Variants in FARS2 observed in about 807,000 individuals in gnomAD.
FARS2 encodes phenylalanyl-tRNA synthetase 2, mitochondrial, also known as phenylalanine--tRNA ligase, mitochondrial.
A neutral mutation model predicts 46.4 loss-of-function variants in FARS2; 40 were observed. That is an observed-to-expected ratio of 0.86 (90% confidence interval 0.67 to 1.12). FARS2 has a LOEUF of 1.12. FARS2 is among the 50% of genes most tolerant of loss of function. FARS2 has a pLI of 0.00. For synonymous variants in FARS2, 234 were observed against 214.9 expected, an observed-to-expected ratio of 1.09 and a Z score of -0.78; for missense variants, 513 against 567.9, an observed-to-expected ratio of 0.90 and a Z score of 0.98.
At chr6:5,449,856 T>G (rs1764386545) in intron 4 of FARS2, among the ~76,000 whole-genome samples, 1 of 152,218 alleles carries the variant, frequency 6.6e-6, no homozygotes, top group African/African-American at 2.4e-5. Flanking sequence ...GTTTTTCAGA[T>G]TTGAGATACT....
chr6:5,739,443 C>A (rs1561831532), intron 6 of FARS2, among the ~76,000 whole-genome samples: 1 of 152,022 alleles, frequency 6.6e-6, no homozygotes. Context: ...CCAGTTATTC[C>A]TGGGAAGCAA....
intron 1 of FARS2, among the ~76,000 whole-genome samples, chr6:5,341,216 TATATATA>T (rs1771577044): frequency 4.3e-4 from 3 of 6,942 alleles, no homozygotes; most frequent in African/African-American, 1.5e-3. Flanking sequence ...TATATATATA[TATATATA>T]TATATATATA....
At position 5,404,578 on chromosome 6, in the gene FARS2, C is replaced by G. The variant is rs756084801; in HGVS notation, c.649C>G (p.Leu217Val). 4 of 1,608,060 alleles carry G rather than the reference C, an allele frequency of 2.5e-6. No individual in the cohort carries two copies. The Admixed American group carries it at 6.7e-5, about 27-fold the overall frequency. Residue 217 changes from leucine to valine, a missense_variant, in exon 3 of 7, where the codon CTC becomes GTC. Transcript: ENST00000274680. ...AGIKDGESLQ[L>V]FEQSSRSAHK... ...TATAAAGGATGGAGAAAGCCTGCAGCTCTTTGAACAAAGTTCTCGCTCTGC... is the reference window on the plus strand; with the variant it reads ...TATAAAGGATGGAGAAAGCCTGCAGGTCTTTGAACAAAGTTCTCGCTCTGC...
At chr6:5,577,866 A>G (rs1219443170) in intron 5 of FARS2, among the ~76,000 whole-genome samples, 1 of 151,980 alleles carries the variant, frequency 6.6e-6, no homozygotes, top group Non-Finnish European at 1.5e-5. Flanking sequence ...CAGTGGTGCG[A>G]TCTCAGCACA....
At chr6:5,291,782 T>C (rs138454372) in intron 1 of FARS2, among the ~76,000 whole-genome samples, 5 of 152,148 alleles carry the variant, frequency 3.3e-5, no homozygotes, top group Middle Eastern at 3.4e-3. Flanking sequence ...AAGAATTAAA[T>C]ATTGAATATA....
In FARS2 at chr6:5,717,935, T is replaced by TAGAGAGAGAGAGAGAGAGAGAG. The variant is rs546191530; in HGVS notation, c.1218-53355_1218-53354insGAGAGAGAGAGAGAGAGAGAGA. Reference sequence around the variant, plus strand: ...ATATATATATATATATATATATATATACAGAGTCTCACTCTGTCGCCCAGG... The same window carrying TAGAGAGAGAGAGAGAGAGAGAG: ...ATATATATATATATATATATATATATAGAGAGAGAGAGAGAGAGAGAGACAGAGTCTCACTCTGTCGCCCAGG... On this transcript the variant is annotated intron_variant, in intron 6 of 6. Transcript: ENST00000274680. Among the ~76,000 whole-genome samples the TAGAGAGAGAGAGAGAGAGAGAG allele has an allele frequency of 1.3e-3, 177 of 135,642 alleles. 5 individuals are homozygous for TAGAGAGAGAGAGAGAGAGAGAG. Among genetic ancestry groups the TAGAGAGAGAGAGAGAGAGAGAG allele is most frequent in the African/African-American group, 5.0e-3 (163 of 32,586 alleles). The allele number at this position is 135,642 out of a possible 152,430, so 89.0% of individuals were successfully genotyped here. A position where few individuals can be genotyped will look rare whatever the true frequency, so the allele number is the denominator to read the frequency against.
rs1287785031 is a variant in FARS2 at position 5,311,122 on chromosome 6, A to G, written c.-22+49462A>G. ...CAATGAGGCACTGGTTAAATAAATC[A>G]TGGTGCATCCAGGTGATGATATGGT... On this transcript the variant is annotated intron_variant, in intron 1 of 6. Coordinates refer to ENST00000274680, the MANE Select transcript of FARS2 (RefSeq NM_006567.5). The surrounding 1 kb of genome is among the most constrained non-coding windows in gnomAD (Gnocchi z 4.1). 2.6e-5 allele frequency among the ~76,000 whole-genome samples: 4 copies of G among 152,226 alleles called. No individual in the cohort carries two copies. Among genetic ancestry groups the G allele is most frequent in the Non-Finnish European group, 5.9e-5 (4 of 68,036 alleles).
At chr6:5,513,945 A>C (rs1398070489) in intron 4 of FARS2, among the ~76,000 whole-genome samples, 4 of 152,022 alleles carry the variant, frequency 2.6e-5, no homozygotes, top group Non-Finnish European at 5.9e-5. Flanking sequence ...TTTAACAACT[A>C]TTGATCCAGC....
chr6:5,512,146 C>T (rs538907871), intron 4 of FARS2, among the ~76,000 whole-genome samples: 1 of 152,228 alleles, frequency 6.6e-6, no homozygotes, highest in East Asian at 1.9e-4. Flanking sequence ...TTCCAAGAGT[C>T]AGAAACCCAA....
intron 6 of FARS2, among the ~76,000 whole-genome samples, chr6:5,640,395 C>T (rs150987214): frequency 1.3e-5 from 2 of 152,184 alleles, no homozygotes; most frequent in African/African-American, 4.8e-5. Flanking sequence ...ACGGCAAACA[C>T]GGAAGCTAAA....
chr6:5,345,372 C>G (rs1376796535), intron 1 of FARS2, among the ~76,000 whole-genome samples: 2 of 152,114 alleles, frequency 1.3e-5, no homozygotes, highest in Non-Finnish European at 2.9e-5. Context: ...TGAAAAATCT[C>G]AGAAAGACCC....
chr6:5,387,763 T>C (rs1014971755), intron 2 of FARS2, among the ~76,000 whole-genome samples: 2 of 152,220 alleles, frequency 1.3e-5, no homozygotes, highest in African/African-American at 2.4e-5. Context: ...TCTTTCATGT[T>C]GGTTACAAAT....
At chr6:5,251,598 G>C in the FARS2 span, among the ~76,000 whole-genome samples, 2 of 152,132 alleles carry the variant, frequency 1.3e-5, no homozygotes, top group Non-Finnish European at 2.9e-5. Flanking sequence ...TTATTGTGAG[G>C]ACAGTACCAA....
intron 6 of FARS2, among the ~76,000 whole-genome samples, chr6:5,712,735 T>C (rs1759257119): frequency 6.6e-6 from 1 of 152,208 alleles, no homozygotes; most frequent in African/African-American, 2.4e-5. Flanking sequence ...CCTGTCCCAG[T>C]CCTTGCCGTC....
intron 5 of FARS2, among the ~76,000 whole-genome samples, chr6:5,596,165 A>G (rs1486560224): frequency 6.6e-6 from 1 of 152,190 alleles, no homozygotes; most frequent in Non-Finnish European, 1.5e-5. Context: ...CGCCACCGTT[A>G]TACATTCAGC....
chr6:5,520,948 A>G (rs537400139), intron 4 of FARS2, among the ~76,000 whole-genome samples: 2 of 152,276 alleles, frequency 1.3e-5, no homozygotes, highest in African/African-American at 4.8e-5. Flanking sequence ...CCCCAAAAGA[A>G]TCAGGGTAGG....
intron 2 of FARS2, among the ~76,000 whole-genome samples, chr6:5,384,019 A>G (rs1156747083): frequency 6.6e-6 from 1 of 152,178 alleles, no homozygotes; most frequent in African/African-American, 2.4e-5. Flanking sequence ...TTTAAAGTTG[A>G]CAGCAGAATG....
chr6:5,496,297 C>A (rs1159114825), intron 4 of FARS2, among the ~76,000 whole-genome samples: 1 of 152,090 alleles, frequency 6.6e-6, no homozygotes, highest in Non-Finnish European at 1.5e-5. Flanking sequence ...AGTGTTGATA[C>A]TATAGGAATC....
intron 4 of FARS2, chr6:5,458,009 A>G (rs928384939): frequency 6.6e-6 from 1 of 152,222 alleles, no homozygotes; most frequent in African/African-American, 2.4e-5. Flanking sequence ...GAGATGAGAC[A>G]TTGGATCGCT....
Sources: gnomAD v4.1 joint callset for allele counts (sites outside exome capture counted in the v4.1 genomes callset) on GRCh38, gnomAD v4.1.1 for gene constraint, Gnocchi (gnomAD v3.1) non-coding constraint, MANE v1.5 for transcripts, NCBI Gene and HGNC (gene_info 2026-07-23, HGNC 2026-07-21) for gene names.